The following OSMR variants were observed in gnomAD, a reference collection of about 807,000 sequenced individuals.
The protein encoded by OSMR is oncostatin-M-specific receptor subunit beta.
In OSMR, 81 loss-of-function variants were observed where a neutral mutation model predicts 99.9. The ratio of observed to expected loss-of-function variants is 0.81; its 90% CI spans 0.68 to 0.97. OSMR has a LOEUF of 0.97. Among genes scored for constraint, OSMR ranks in the 50% least tolerant of loss-of-function variants. The pLI is 0.00. For missense variants in OSMR, 1,099 were observed against 1,153.4 expected (o/e 0.95, Z 0.68); for synonymous variants, 406 against 410.4 (o/e 0.99, Z 0.13).
Position 38,904,432 on chromosome 5 carries a change from G to T in OSMR, c.1214G>T (p.Arg405Leu). The part of the protein sequence containing the change: ...EPATEYMARV[R>L]CADASHFWKW... ...GCCACAGAGTACATGGCGCGAGTAC[G>T]GTGTGCTGATGCCAGCCACTTCTGG... The change falls in exon 9 of 18, where the codon CGG becomes CTG. Residue 405 changes from arginine (R) to leucine (L), a missense_variant. Coordinates refer to ENST00000274276, the MANE Select transcript of OSMR (RefSeq NM_003999.3). The T allele has an allele frequency of 1.9e-6, 3 of 1,614,090 alleles. No homozygotes were observed. The highest frequency in any genetic ancestry group is 2.5e-6 in the Non-Finnish European group (3 of 1,180,024).
chr5:38,922,785 G>T (rs74845824), intron 12 of OSMR, among the ~76,000 whole-genome samples: 3 of 152,038 alleles, frequency 2.0e-5, no homozygotes, highest in Non-Finnish European at 4.4e-5. Context: ...TTTTTGGGGG[G>T]TGTGGTGGGG....
chr5:38,941,217 G>A (rs554533555), intron 1 of OSMR: 1 of 232,780 alleles, frequency 4.3e-6, no homozygotes, highest in Admixed American at 5.6e-5. Flanking sequence ...ACTGCATTTA[G>A]TTTGTGCAAA....
intron 1 of OSMR, among the ~76,000 whole-genome samples, chr5:38,864,704 T>C (rs1039494078): frequency 1.3e-5 from 2 of 152,190 alleles, no homozygotes; most frequent in Non-Finnish European, 2.9e-5. Flanking sequence ...TCTTTGACTT[T>C]TGACTGTCTG....
chr5:38,861,734 G>A (rs1248484755), intron 1 of OSMR, among the ~76,000 whole-genome samples: 1 of 150,992 alleles, frequency 6.6e-6, no homozygotes, highest in Non-Finnish European at 1.5e-5. Context: ...AGGGGGGCTG[G>A]CCGGGCAGGG....
chr5:38,868,232 C>G (rs986038434), intron 1 of OSMR, among the ~76,000 whole-genome samples: 1 of 152,180 alleles, frequency 6.6e-6, no homozygotes, highest in Non-Finnish European at 1.5e-5. Context: ...ATTTATTGCT[C>G]TTTCACCTGG....
intron 1 of OSMR, among the ~76,000 whole-genome samples, chr5:38,853,266 C>G (rs927558661): frequency 6.6e-6 from 1 of 152,122 alleles, no homozygotes; most frequent in African/African-American, 2.4e-5. Context: ...GGAAATGAGG[C>G]AATAGACTTA....
At chr5:38,868,948 C>G (rs1290151503) in intron 1 of OSMR, 84 bp from the exon 2 acceptor site, 30 of 1,527,764 alleles carry the variant, frequency 2.0e-5, no homozygotes, top group Non-Finnish European at 2.6e-5. Flanking sequence ...CCTTTATTGC[C>G]TCATCTACCA....
intron 15 of OSMR, among the ~76,000 whole-genome samples, chr5:38,931,122 C>T (rs533279487): frequency 2.5e-4 from 38 of 152,210 alleles, no homozygotes; most frequent in African/African-American, 7.9e-4. Context: ...AAATGAAGCA[C>T]CAGTTGACAT....
chr5:38,908,222 C>T (rs1254828122), intron 9 of OSMR, among the ~76,000 whole-genome samples: 2 of 152,232 alleles, frequency 1.3e-5, no homozygotes, highest in Non-Finnish European at 2.9e-5. Flanking sequence ...CTACCCACCC[C>T]TGCACTGCCA....
rs113567555 is a variant in OSMR at position 38,858,359 on chromosome 5, G to A, written c.-13-10673G>A. ...AGCTCCCACATATGAGTGAGAATAT[G>A]TGATATTTTTCTTTCTGTGCCTGGC... On this transcript the variant is annotated intron_variant, in intron 1 of 17. Coordinates refer to ENST00000274276, the MANE Select transcript of OSMR (RefSeq NM_003999.3). 4.2e-3 allele frequency among the ~76,000 whole-genome samples: 635 copies of A among 149,600 alleles called. 1 individual carries two copies. Among genetic ancestry groups the A allele is most frequent in the African/African-American group, 0.014 (555 of 40,608 alleles).
chr5:38,903,275 A>G (rs1745012127), intron 7 of OSMR, among the ~76,000 whole-genome samples: 1 of 152,224 alleles, frequency 6.6e-6, no homozygotes, highest in Non-Finnish European at 1.5e-5. Context: ...GCTGGTCCCC[A>G]AGGCTGCGGA....
At chr5:38,924,201 T>C (rs771385584) in intron 13 of OSMR, 5 of 472,974 alleles carry the variant, frequency 1.1e-5, no homozygotes, top group African/African-American at 2.1e-5. Context: ...CCATTCTTCA[T>C]CTGTAAAAGG....
At chr5:38,860,685 CT>C (rs1741218983) in intron 1 of OSMR, among the ~76,000 whole-genome samples, 1 of 151,938 alleles carries the variant, frequency 6.6e-6, no homozygotes, top group Non-Finnish European at 1.5e-5. Flanking sequence ...GTAATTTTTT[CT>C]TTTGAGATGG....
intron 1 of OSMR, among the ~76,000 whole-genome samples, chr5:38,852,930 A>G (rs1425916397): frequency 6.6e-6 from 1 of 151,448 alleles, no homozygotes; most frequent in Non-Finnish European, 1.5e-5. Context: ...ACGGGGTTTC[A>G]CCGTGTTAGC....
At chr5:38,851,694 T>C (rs1740366228) in intron 1 of OSMR, among the ~76,000 whole-genome samples, 1 of 152,232 alleles carries the variant, frequency 6.6e-6, no homozygotes, top group Non-Finnish European at 1.5e-5. Flanking sequence ...AGGTATATAC[T>C]GTTTTGAAAC....
At chr5:38,919,287 C>G in intron 11 of OSMR, 4 of 1,495,902 alleles carry the variant, frequency 2.7e-6, no homozygotes. Flanking sequence ...ACATTTCTGT[C>G]CAGGGGATTC....
chr5:38,908,328 C>T (rs1745373328), intron 9 of OSMR, among the ~76,000 whole-genome samples: 1 of 152,246 alleles, frequency 6.6e-6, no homozygotes, highest in Admixed American at 6.5e-5. Flanking sequence ...ACTTCTGCCT[C>T]TGCCTGCATC....
At chr5:38,895,368 T>C (rs1021844272) in intron 7 of OSMR, among the ~76,000 whole-genome samples, 1 of 152,092 alleles carries the variant, frequency 6.6e-6, no homozygotes, top group African/African-American at 2.4e-5. Context: ...GTAGTTTTGA[T>C]TTGTATTTCT....
chr5:38,922,162 C>T (rs78343804), intron 12 of OSMR, among the ~76,000 whole-genome samples: 2 of 152,240 alleles, frequency 1.3e-5, no homozygotes, highest in Admixed American at 6.5e-5. Flanking sequence ...TGATGAGAAT[C>T]GATCATCAAC....
Sources: gnomAD v4.1 joint callset for allele counts (sites outside exome capture counted in the v4.1 genomes callset) on GRCh38, gnomAD v4.1.1 for gene constraint, MANE v1.5 for transcripts, NCBI Gene and HGNC (gene_info 2026-07-23, HGNC 2026-07-21) for gene names.